UTP6: variants seen among roughly 807,000 people sequenced by gnomAD.
UTP6 encodes the protein UTP6 small subunit processome component, also known as U3 small nucleolar RNA-associated protein 6 homolog.
A neutral mutation model predicts 96.5 loss-of-function variants in UTP6; 60 were observed. The ratio of observed to expected loss-of-function variants is 0.62; its 90% confidence interval spans 0.51 to 0.77. UTP6 has a LOEUF of 0.77. UTP6 is among the 30% of genes least tolerant of loss of function. The pLI is 0.00. For missense variants in UTP6, 637 were observed against 706.5 expected (o/e 0.90, Z 1.12); for synonymous variants, 215 against 240.1 (o/e 0.90, Z 0.96).
At chr17:31,869,644 C>T (rs1286844337) in intron 16 of UTP6, among the ~76,000 whole-genome samples, 1 of 152,178 alleles carries the variant, frequency 6.6e-6, no homozygotes, top group Non-Finnish European at 1.5e-5. Context: ...GCCACAGTGC[C>T]TGGCCCATCA....
At chr17:31,901,251 C>G (rs932590373) in intron 1 of UTP6, 4 of 423,118 alleles carry the variant, frequency 9.5e-6, no homozygotes, top group African/African-American at 7.9e-5. Flanking sequence ...CACACTCTGC[C>G]CAATTAGCTC....
intron 17 of UTP6, among the ~76,000 whole-genome samples, chr17:31,866,165 T>G (rs961691342): frequency 6.6e-6 from 1 of 151,256 alleles, no homozygotes; most frequent in African/African-American, 2.4e-5. Flanking sequence ...CGGGTGCCTG[T>G]AGTCCCAGCT....
chr17:31,875,436 G>A (rs1433423443), intron 13 of UTP6, 23 bp from the exon 14 acceptor site: 2 of 1,601,468 alleles, frequency 1.2e-6, no homozygotes, highest in East Asian at 2.2e-5. Context: ...AAGGATGACT[G>A]GAAAATTAAT....
At chr17:31,901,197 C>T (rs1904961850) in intron 1 of UTP6, 1 of 281,152 alleles carries the variant, frequency 3.6e-6, no homozygotes, top group Non-Finnish European at 7.2e-6. Context: ...AATCAACTTA[C>T]AGTACACTGT....
intron 16 of UTP6, among the ~76,000 whole-genome samples, chr17:31,870,425 A>G (rs1030092098): frequency 6.8e-6 from 1 of 147,768 alleles, no homozygotes; most frequent in Non-Finnish European, 1.5e-5. Context: ...CATCTTGAAC[A>G]TTTTTTCACA....
At chr17:31,864,851 G>C (rs1347394353) in intron 18 of UTP6, among the ~76,000 whole-genome samples, 1 of 151,272 alleles carries the variant, frequency 6.6e-6, no homozygotes, top group Non-Finnish European at 1.5e-5. Context: ...CTGGTCTCAG[G>C]CTCCTGAGAA....
At chr17:31,883,292 T>A (rs987853728) in intron 10 of UTP6, among the ~76,000 whole-genome samples, 11 of 151,874 alleles carry the variant, frequency 7.2e-5, no homozygotes, top group Non-Finnish European at 1.3e-4. Flanking sequence ...GAAAATAGAA[T>A]TTAGAATTTT....
At position 31,888,600 on chromosome 17, in the gene UTP6, C is replaced by T. The variant is rs1355194889; in HGVS notation, c.543+685G>A. Among the ~76,000 whole-genome samples the T allele has an allele frequency of 3.3e-5, 5 of 152,202 alleles. No individual in the cohort carries two copies. In the East Asian group the frequency reaches 9.6e-4, roughly 29 times the overall value. ...ATCCCACCTACTCAGGAGGCTGAGG[C>T]AGGAGAATTGCTTGAACCCAGGAGG... On this transcript the variant is annotated intron_variant, in intron 7 of 18. Coordinates refer to ENST00000261708, the MANE Select transcript of UTP6 (RefSeq NM_018428.3).
At chr17:31,873,818 T>C (rs1417806857) in intron 14 of UTP6, 65 bp from the exon 15 acceptor site, 7 of 1,497,888 alleles carry the variant, frequency 4.7e-6, no homozygotes, top group Non-Finnish European at 5.4e-6. Context: ...ATGTACCCTA[T>C]AAATATGTAA....
intron 6 of UTP6, among the ~76,000 whole-genome samples, chr17:31,890,470 T>C (rs1194839126): frequency 6.6e-6 from 1 of 151,134 alleles, no homozygotes; most frequent in Non-Finnish European, 1.5e-5. Context: ...TACAAAAAAT[T>C]AGCCAGGCGT....
rs909487004 is a variant in UTP6, at chr17:31,875,565, C to A, written c.1126-152G>T. 41 of 889,752 alleles carry A rather than the reference C, an allele frequency of 4.6e-5. No individual in the cohort carries two copies. The South Asian group carries it at 7.7e-4, about 17-fold the overall frequency. 55.1% of individuals were successfully genotyped at this position (889,752 alleles called of 1,614,324 possible). A position where few individuals can be genotyped will look rare whatever the true frequency, so the allele number is the denominator to read the frequency against. On this transcript the variant is annotated intron_variant, in intron 13 of 18. Coordinates refer to ENST00000261708, the MANE Select transcript of UTP6 (RefSeq NM_018428.3). The stretch of plus-strand genomic sequence containing the variant: ...AGAGGCCAGGTGTGGTGGCTCACAC[C>A]TGTAACCCCAGCACTTTGGGAGGCC...
chr17:31,896,360 G>A (rs2142325671), intron 2 of UTP6, among the ~76,000 whole-genome samples: 1 of 152,216 alleles, frequency 6.6e-6, no homozygotes, highest in South Asian at 2.1e-4. Flanking sequence ...TTACAGGCAT[G>A]AGCTACCGCG....
chr17:31,884,356 TC>T (rs1911022814), intron 10 of UTP6, 67 bp downstream of exon 10: 2 of 1,283,680 alleles, frequency 1.6e-6, no homozygotes, highest in Admixed American at 2.4e-5. Flanking sequence ...CTACTAAATA[TC>T]CAACCTCAAA....
At chr17:31,873,327 G>T in intron 16 of UTP6, 51 bp downstream of exon 16, 1 of 1,542,924 alleles carries the variant, frequency 6.5e-7, no homozygotes, top group Non-Finnish European at 8.9e-7. Context: ...GGTATGAGCG[G>T]CTGAGCATGG....
At chr17:31,876,091 T>C (rs1288101203) in intron 13 of UTP6, among the ~76,000 whole-genome samples, 1 of 151,674 alleles carries the variant, frequency 6.6e-6, no homozygotes, top group Non-Finnish European at 1.5e-5. Context: ...TGGAGTACAG[T>C]GGCGCAATGA....
At chr17:31,880,979 C>T (rs1433186057) in intron 10 of UTP6, among the ~76,000 whole-genome samples, 1 of 152,008 alleles carries the variant, frequency 6.6e-6, no homozygotes, top group African/African-American at 2.4e-5. Flanking sequence ...AGTTCGAGAC[C>T]AGCCTGACCA....
At position 31,863,185 on chromosome 17, in the gene UTP6, A is replaced by T. The variant is rs1039076325; in HGVS notation, c.*174T>A. 7 of 694,030 alleles carry T rather than the reference A, an allele frequency of 1.0e-5. No homozygotes were observed. Among genetic ancestry groups the T allele is most frequent in the Non-Finnish European group, 1.6e-5 (7 of 426,382 alleles). 43.0% of individuals were successfully genotyped at this position (694,030 alleles called of 1,614,324 possible). ...GCAAGACCCAGTCTCAATCATAAAA[A>T]TTTTTTAATTTTTAAAAAGATTTAA... On this transcript the variant is annotated 3_prime_UTR_variant, in exon 19 of 19. Coordinates refer to ENST00000261708, the MANE Select transcript of UTP6 (RefSeq NM_018428.3).
At chr17:31,875,820 CAAAAAAA>C (rs1012799437) in intron 13 of UTP6, among the ~76,000 whole-genome samples, 8 of 65,830 alleles carry the variant, frequency 1.2e-4, no homozygotes, top group South Asian at 4.8e-4. Context: ...AACTCTATCT[CAAAAAAA>C]AAAAAAAAAA....
chr17:31,879,903 C>CA (rs1598105008), intron 11 of UTP6, among the ~76,000 whole-genome samples: 5 of 151,874 alleles, frequency 3.3e-5, no homozygotes, highest in Admixed American at 2.6e-4. Flanking sequence ...GTCAGGAGTT[C>CA]AAGACCAGCC....
Sources: allele counts gnomAD v4.1 joint callset (sites outside exome capture counted in the v4.1 genomes callset), GRCh38; gene constraint gnomAD v4.1.1; transcripts MANE v1.5; gene names NCBI Gene and HGNC (gene_info 2026-07-23, HGNC 2026-07-21).